Variants in SH3GL2 observed in about 807,000 individuals in gnomAD.
SH3GL2 encodes the protein endophilin-A1.
A neutral mutation model predicts 46.0 loss-of-function variants in SH3GL2; 24 were observed. The ratio of observed to expected loss-of-function variants is 0.52; its 90% confidence interval spans 0.38 to 0.73. The LOEUF is 0.73. Ranked by LOEUF, SH3GL2 falls within the 30% of genes least tolerant of loss-of-function variation. The probability of loss-of-function intolerance (pLI) is 0.00; values close to 1 mark genes in which losing one functional copy is unlikely to be tolerated. For synonymous variants in SH3GL2, 196 were observed against 147.1 expected (o/e 1.33, Z -2.40); for missense variants, 413 against 424.2 (o/e 0.97, Z 0.23).
At chr9:17,580,957 T>C (rs1297836424) in intron 1 of SH3GL2, among the ~76,000 whole-genome samples, 1 of 152,228 alleles carries the variant, frequency 6.6e-6, no homozygotes, top group East Asian at 1.9e-4. Context: ...GAATCCTGCC[T>C]CTGCTGCTTC....
intron 1 of SH3GL2, among the ~76,000 whole-genome samples, chr9:17,724,653 A>ACTATGGTAACTCTGGATATTGATC (rs1331434448): frequency 6.6e-5 from 10 of 152,130 alleles, no homozygotes; most frequent in Non-Finnish European, 1.5e-4. Context: ...CATTTTAGAT[A>ACTATGGTAACTCTGGATATTGATC]CTATGGTAAC....
intron 1 of SH3GL2, among the ~76,000 whole-genome samples, chr9:17,581,417 A>C (rs187255096): frequency 5.4e-4 from 83 of 152,318 alleles, no homozygotes; most frequent in African/African-American, 2.0e-3. Context: ...GTGAAGCAGC[A>C]CGTAGTCTCT....
chr9:17,598,916 T>C (rs1163190840), intron 1 of SH3GL2, among the ~76,000 whole-genome samples: 1 of 152,206 alleles, frequency 6.6e-6, no homozygotes, highest in African/African-American at 2.4e-5. Context: ...TGGCAGTCCA[T>C]CCTTTCAAAG....
At chr9:17,737,935 C>G (rs968066576) in intron 1 of SH3GL2, among the ~76,000 whole-genome samples, 13 of 152,112 alleles carry the variant, frequency 8.5e-5, no homozygotes, top group African/African-American at 2.9e-4. Context: ...GGCTTACTTA[C>G]TCCTTTCAGA....
chr9:17,753,793 G>A (rs1822914453), intron 2 of SH3GL2, among the ~76,000 whole-genome samples: 1 of 152,032 alleles, frequency 6.6e-6, no homozygotes, highest in Non-Finnish European at 1.5e-5. Context: ...TGTCTTTCAG[G>A]GTTTTTATGA....
At chr9:17,731,224 C>A (rs1290417358) in intron 1 of SH3GL2, among the ~76,000 whole-genome samples, 1 of 151,990 alleles carries the variant, frequency 6.6e-6, no homozygotes, top group Non-Finnish European at 1.5e-5. Flanking sequence ...TATGTTTCTC[C>A]CTGCTATGGA....
At chr9:17,616,698 T>G (rs576240670) in intron 1 of SH3GL2, among the ~76,000 whole-genome samples, 1 of 152,258 alleles carries the variant, frequency 6.6e-6, no homozygotes, top group South Asian at 2.1e-4. Flanking sequence ...ATCAAGAAGG[T>G]GTCAACCTTA....
chr9:17,756,090 A>G (rs1284613097), intron 2 of SH3GL2, among the ~76,000 whole-genome samples: 2 of 152,132 alleles, frequency 1.3e-5, no homozygotes, highest in Non-Finnish European at 2.9e-5. Context: ...TCAAAACACA[A>G]AAGCGTCCAT....
chr9:17,689,638 C>G (rs1243591406), intron 1 of SH3GL2, among the ~76,000 whole-genome samples: 1 of 152,034 alleles, frequency 6.6e-6, no homozygotes, highest in African/African-American at 2.4e-5. Flanking sequence ...GGCCTGGTTG[C>G]TGTCCCTTGA....
At chr9:17,691,987 A>G (rs140134680) in intron 1 of SH3GL2, among the ~76,000 whole-genome samples, 110 of 152,272 alleles carry the variant, frequency 7.2e-4, no homozygotes, top group African/African-American at 2.5e-3. Flanking sequence ...TACAAATGCA[A>G]TCTATTTCTC....
chr9:17,593,150 T>G (rs565821608), intron 1 of SH3GL2, among the ~76,000 whole-genome samples: 4 of 152,308 alleles, frequency 2.6e-5, no homozygotes, highest in African/African-American at 9.6e-5. Context: ...TTTTAATACC[T>G]TTCTAATAAA....
At chr9:17,707,098 TG>T (rs955850889) in intron 1 of SH3GL2, among the ~76,000 whole-genome samples, 3 of 151,962 alleles carry the variant, frequency 2.0e-5, no homozygotes, top group African/African-American at 7.2e-5. Context: ...CCTACAGTAA[TG>T]GGGGGAACTT....
At chr9:17,622,498 ACCT>A (rs931804050) in intron 1 of SH3GL2, among the ~76,000 whole-genome samples, 1 of 151,906 alleles carries the variant, frequency 6.6e-6, no homozygotes, top group African/African-American at 2.4e-5. Flanking sequence ...TGAGCAAAGA[ACCT>A]CCTATTTCCA....
chr9:17,585,886 T>G (rs1204984994), intron 1 of SH3GL2, among the ~76,000 whole-genome samples: 3 of 152,214 alleles, frequency 2.0e-5, no homozygotes, highest in Non-Finnish European at 2.9e-5. Context: ...TGTGAAGTTT[T>G]GAAACTTTGT....
At chr9:17,681,140 G>T (rs1235043403) in intron 1 of SH3GL2, among the ~76,000 whole-genome samples, 1 of 152,054 alleles carries the variant, frequency 6.6e-6, no homozygotes, top group African/African-American at 2.4e-5. Flanking sequence ...TCAAAAAGGG[G>T]CTATATTAAA....
intron 3 of SH3GL2, among the ~76,000 whole-genome samples, chr9:17,778,638 T>G (rs995614874): frequency 6.6e-6 from 1 of 152,008 alleles, no homozygotes; most frequent in Non-Finnish European, 1.5e-5. Context: ...TACTCTTCTA[T>G]TGAGAGTAGA....
At chr9:17,765,616 A>G (rs1043421984) in intron 3 of SH3GL2, among the ~76,000 whole-genome samples, 1 of 152,156 alleles carries the variant, frequency 6.6e-6, no homozygotes, top group Non-Finnish European at 1.5e-5. Flanking sequence ...CCCTCCCTGC[A>G]TGGTCAGCCT....
At chr9:17,786,027 TA>T (rs1409665645) in intron 3 of SH3GL2, among the ~76,000 whole-genome samples, 1 of 152,140 alleles carries the variant, frequency 6.6e-6, no homozygotes, top group African/African-American at 2.4e-5. Context: ...CGAGAGTTTG[TA>T]AAAAGCTCTC....
At chr9:17,663,387 A>G (rs1385965007) in intron 1 of SH3GL2, among the ~76,000 whole-genome samples, 1 of 152,096 alleles carries the variant, frequency 6.6e-6, no homozygotes, top group South Asian at 2.1e-4. Context: ...TCCTATTAAA[A>G]TTTTTTAAAA....
Sources: gnomAD v4.1 joint callset for allele counts (sites outside exome capture counted in the v4.1 genomes callset) on GRCh38, gnomAD v4.1.1 for gene constraint, MANE v1.5 for transcripts, NCBI Gene and HGNC (gene_info 2026-07-23, HGNC 2026-07-21) for gene names.